Variants in CLCA2 observed in about 807,000 individuals in gnomAD.
CLCA2 encodes the protein chloride channel accessory 2, also known as calcium-activated chloride channel regulator 2.
In CLCA2, 85 loss-of-function variants were observed where a neutral mutation model predicts 82.9. The observed-to-expected ratio is 1.03, with a 90% CI of 0.86 to 1.23. The LOEUF (loss-of-function observed/expected upper bound fraction) is 1.23, where lower values mean the gene tolerates loss of function less well. Ranked by LOEUF, CLCA2 falls within the 50% of genes most tolerant of loss-of-function variation. The pLI is 0.00. For missense variants in CLCA2, 1,089 were observed against 1,124.8 expected (o/e 0.97, Z 0.45); for synonymous variants, 421 against 391.7 (o/e 1.07, Z -0.88).
chr1:86,450,502 C>A, intron 11 of CLCA2, 61 bp from the exon 12 acceptor site: 1 of 1,329,182 alleles, frequency 7.5e-7, no homozygotes, highest in Admixed American at 2.2e-5. Context: ...TTTTTAATGA[C>A]TTAAATATTA....
At position 86,434,561 on chromosome 1, in the gene CLCA2, C is replaced by A; in HGVS notation, c.788C>A (p.Pro263Gln). ...CNASTHNQEA[P>Q]NLQNQMCSLR... ...GCAAGTACCCACAACCAAGAAGCAC[C>A]AAACCTACAGAACCAGATGTGCAGC... The change falls in exon 6 of 14, where the codon CCA (proline) becomes CAA (glutamine). Residue 263 changes from proline (P) to glutamine (Q), a missense_variant. Pro to Gln is a moderately conservative substitution (Grantham distance 76). Coordinates refer to ENST00000370565, the MANE Select transcript of CLCA2 (RefSeq NM_006536.7). The A allele has an allele frequency of 6.2e-7, 1 of 1,614,014 alleles. No homozygotes were observed. Among genetic ancestry groups the A allele is most frequent in the Non-Finnish European group, 8.5e-7 (1 of 1,179,960 alleles).
intron 2 of CLCA2, among the ~76,000 whole-genome samples, chr1:86,425,802 C>G (rs917325681): frequency 6.6e-6 from 1 of 152,176 alleles, no homozygotes; most frequent in Non-Finnish European, 1.5e-5. Flanking sequence ...GCAAAGGGAA[C>G]AGTTCCAATT....
chr1:86,453,996 T>C (rs892467919), intron 13 of CLCA2, among the ~76,000 whole-genome samples: 2 of 152,220 alleles, frequency 1.3e-5, no homozygotes, highest in Admixed American at 6.5e-5. Flanking sequence ...GCATAACTCA[T>C]GCAAACCTTG....
chr1:86,427,301 G>A (rs941559760), intron 2 of CLCA2, among the ~76,000 whole-genome samples: 2 of 152,148 alleles, frequency 1.3e-5, no homozygotes, highest in African/African-American at 2.4e-5. Context: ...ACATAGGAAT[G>A]AGGTTTTACC....
rs772119397 is a variant in CLCA2 at position 86,455,525 on chromosome 1, T to A, written c.2830T>A (p.Ter944LysextTer33). 1 of 1,466,278 alleles carries A rather than the reference T, an allele frequency of 6.8e-7. No homozygotes were observed. Among genetic ancestry groups the A allele is most frequent in the Admixed American group, 2.6e-5 (1 of 38,924 alleles). 90.8% of individuals were successfully genotyped at this position (1,466,278 alleles called of 1,614,324 possible). ...DKKENGTKLL[*>K] Reference sequence around the variant, plus strand: ...GAAAGAGAATGGAACAAAATTATTATAAATAAATATCCAAAGTGTCTTCCT... The same window carrying A: ...GAAAGAGAATGGAACAAAATTATTAAAAATAAATATCCAAAGTGTCTTCCT... Residue 944 changes from the stop codon to lysine (K), a stop_lost, in exon 14 of 14, where the codon TAA becomes AAA. Coordinates refer to ENST00000370565, the MANE Select transcript of CLCA2 (RefSeq NM_006536.7).
intron 7 of CLCA2, among the ~76,000 whole-genome samples, chr1:86,439,346 A>G (rs11161833): frequency 0.15 from 22,557 of 152,244 alleles, 1,764 homozygotes; most frequent in Middle Eastern, 0.2. Flanking sequence ...TTGACAGAAT[A>G]AGAAAATAAA....
At chr1:86,446,020 G>GA (rs1171988874) in intron 10 of CLCA2, among the ~76,000 whole-genome samples, 4 of 151,618 alleles carry the variant, frequency 2.6e-5, no homozygotes, top group Admixed American at 1.3e-4. Context: ...ACTAAATAGG[G>GA]AAAAAAAATC....
chr1:86,427,617 T>G (rs1029928530), intron 2 of CLCA2, among the ~76,000 whole-genome samples: 2 of 151,926 alleles, frequency 1.3e-5, no homozygotes, highest in Non-Finnish European at 2.9e-5. Flanking sequence ...ATTGTGTATA[T>G]TGGATCGTAT....
chr1:86,432,362 T>G lies in CLCA2; in HGVS notation c.585-7T>G, dbSNP rs746430190. 3 of 1,612,122 alleles carry G rather than the reference T, an allele frequency of 1.9e-6. No homozygotes were observed. In the African/African-American group the frequency reaches 4.0e-5, roughly 22 times the overall value. On this transcript the variant is annotated splice_region_variant and splice_polypyrimidine_tract_variant and intron_variant, in intron 4 of 13. Transcript: ENST00000370565. ...ACCTAATTCCCAGTTTCTCTTTCCATTTTTAGGTGTTCATCTGACATCACA... is the reference window on the plus strand; with the variant it reads ...ACCTAATTCCCAGTTTCTCTTTCCAGTTTTAGGTGTTCATCTGACATCACA...
Position 86,432,482 on chromosome 1 carries a change from C to T in CLCA2, c.698C>T (p.Thr233Ile), listed in dbSNP as rs748460259. The change falls in exon 5 of 14, where the codon ACC becomes ATC. Residue 233 changes from threonine to isoleucine, a missense_variant. Transcript: ENST00000370565. Reference protein sequence around the residue: ...KEGCTFIYNSTQNATASIMFM... With the variant: ...KEGCTFIYNSIQNATASIMFM... ...GGATGCACCTTTATCTACAATAGCA[C>T]CCAAAATGCAACTGCATCAATAATG... 9.9e-6 allele frequency: 16 copies of T among 1,613,794 alleles called. No homozygotes were observed. The highest frequency in any genetic ancestry group is 1.3e-5 in the Non-Finnish European group (15 of 1,179,964).
chr1:86,436,106 T>C (rs1157694120), intron 6 of CLCA2, among the ~76,000 whole-genome samples: 2 of 152,238 alleles, frequency 1.3e-5, no homozygotes, highest in Non-Finnish European at 2.9e-5. Context: ...GAGAACTTAA[T>C]GGCCAGCAAA....
intron 1 of CLCA2, among the ~76,000 whole-genome samples, chr1:86,424,847 C>G (rs1570249458): frequency 6.6e-6 from 1 of 152,272 alleles, no homozygotes; most frequent in Middle Eastern, 3.4e-3. Context: ...AATTCTCAGG[C>G]AGAAAGGGTG....
intron 4 of CLCA2, among the ~76,000 whole-genome samples, chr1:86,431,942 G>C (rs1433245895): frequency 6.6e-6 from 1 of 152,000 alleles, no homozygotes; most frequent in Non-Finnish European, 1.5e-5. Flanking sequence ...TTGTTTTTTT[G>C]TTTGTTTTTT....
At chr1:86,432,123 A>G (rs1662512774) in intron 4 of CLCA2, among the ~76,000 whole-genome samples, 1 of 152,048 alleles carries the variant, frequency 6.6e-6, no homozygotes. Flanking sequence ...TTTAGTAGAG[A>G]CAGGGTTTCA....
At chr1:86,444,703 C>T (rs1171440361) in intron 10 of CLCA2, among the ~76,000 whole-genome samples, 1 of 152,064 alleles carries the variant, frequency 6.6e-6, no homozygotes. Flanking sequence ...TGAGGCTAGA[C>T]AGGTAAACAG....
chr1:86,438,475 T>C (rs938136005), intron 6 of CLCA2, among the ~76,000 whole-genome samples: 3 of 152,216 alleles, frequency 2.0e-5, no homozygotes, highest in Non-Finnish European at 2.9e-5. Flanking sequence ...GTCCTCTGAC[T>C]GCCACTCCTC....
intron 2 of CLCA2, among the ~76,000 whole-genome samples, chr1:86,427,301 G>C (rs941559760): frequency 6.6e-6 from 1 of 152,148 alleles, no homozygotes; most frequent in Non-Finnish European, 1.5e-5. Flanking sequence ...ACATAGGAAT[G>C]AGGTTTTACC....
At chr1:86,427,574 A>AC (rs3835425) in intron 2 of CLCA2, among the ~76,000 whole-genome samples, 64 of 151,130 alleles carry the variant, frequency 4.2e-4, no homozygotes, top group African/African-American at 1.4e-3. Flanking sequence ...ACACACACAC[A>AC]AAACACATAT....
chr1:86,450,614 T>G lies in CLCA2; in HGVS notation c.2036T>G (p.Phe679Cys). 3.1e-6 allele frequency: 5 copies of G among 1,613,344 alleles called. No individual in the cohort carries two copies. Among genetic ancestry groups the G allele is most frequent in the Non-Finnish European group, 4.2e-6 (5 of 1,179,566 alleles). Residue 679 changes from phenylalanine (F) to cysteine (C), a missense_variant, in exon 12 of 14, where the codon TTT becomes TGT. Transcript: ENST00000370565. ...DGIYSRYFFSFAANGRYSLKV... is the reference protein window; with the variant it reads ...DGIYSRYFFSCAANGRYSLKV... The stretch of plus-strand genomic sequence containing the variant: ...ATTTACTCGAGGTATTTTTTCTCCT[T>G]TGCTGCAAATGGTAGATATAGCTTG...
Sources: gnomAD v4.1 joint callset for allele counts (sites outside exome capture counted in the v4.1 genomes callset) on GRCh38, gnomAD v4.1.1 for gene constraint, MANE v1.5 for transcripts, NCBI Gene and HGNC (gene_info 2026-07-23, HGNC 2026-07-21) for gene names.